Variants in AK9 observed in about 807,000 individuals in gnomAD.
AK9 encodes the protein adenylate kinase 9, also known as adenylate kinase domain containing 1.
A neutral mutation model predicts 239.6 loss-of-function variants in AK9; 191 were observed. The observed-to-expected ratio is 0.80, with a 90% confidence interval of 0.71 to 0.90. AK9 has a LOEUF of 0.90. AK9 is among the 40% of genes least tolerant of loss of function. AK9 has a pLI of 0.00. For synonymous variants in AK9, 689 were observed against 721.0 expected, an observed-to-expected ratio of 0.96 and a Z score of 0.71; for missense variants, 1,995 against 2,214.7, an observed-to-expected ratio of 0.90 and a Z score of 1.99.
chr6:109,503,374 G>A (rs1005231660), intron 35 of AK9, among the ~76,000 whole-genome samples: 1 of 152,054 alleles, frequency 6.6e-6, no homozygotes, highest in Non-Finnish European at 1.5e-5. Flanking sequence ...ACACCCAAAT[G>A]TCTCTTTTTC....
intron 7 of AK9, among the ~76,000 whole-genome samples, chr6:109,658,370 G>C (rs1799978287): frequency 6.6e-6 from 1 of 152,172 alleles, no homozygotes; most frequent in South Asian, 2.1e-4. Flanking sequence ...CTGCTGCATA[G>C]AGTTTTCATT....
At position 109,671,900 on chromosome 6, in the gene AK9, T is replaced by C. The variant is rs374555229; in HGVS notation, c.331+19A>G. ...TTAAGGCTGCTTTGTGGGCTGTAAA[T>C]ATATTAAAATAAACATACCAAAGTG... On this transcript the variant is annotated intron_variant, in intron 5 of 40. Transcript: ENST00000424296. 3 of 1,606,676 alleles carry C rather than the reference T, an allele frequency of 1.9e-6. No individual in the cohort carries two copies. The highest frequency in any genetic ancestry group is 2.2e-5 in the East Asian group (1 of 44,820).
intron 36 of AK9, 129 bp from the exon 37 acceptor site, chr6:109,498,094 A>AATAAC (rs1777254329): frequency 1.2e-6 from 1 of 810,646 alleles, no homozygotes; most frequent in Non-Finnish European, 1.9e-6. Context: ...TCAAACTGTA[A>AATAAC]ATAACCTCTC....
intron 17 of AK9, among the ~76,000 whole-genome samples, chr6:109,593,564 A>C (rs372342455): frequency 1.3e-5 from 2 of 152,178 alleles, no homozygotes; most frequent in African/African-American, 2.4e-5. Flanking sequence ...GTAACAACAA[A>C]AAAAAATTTC....
At chr6:109,604,695 G>C (rs1183811435) in intron 17 of AK9, among the ~76,000 whole-genome samples, 2 of 152,106 alleles carry the variant, frequency 1.3e-5, no homozygotes. Flanking sequence ...TCAATTATTG[G>C]TTCTTCCAGA....
At chr6:109,550,557 T>C in intron 24 of AK9, 1 of 289,370 alleles carries the variant, frequency 3.5e-6, no homozygotes, top group Non-Finnish European at 6.3e-6. Context: ...TCCAGTCCTC[T>C]ACCAACAGAG....
chr6:109,660,645 T>C (rs935263524), intron 6 of AK9, among the ~76,000 whole-genome samples: 1 of 152,192 alleles, frequency 6.6e-6, no homozygotes, highest in Admixed American at 6.5e-5. Context: ...ACCCACCTTC[T>C]AGGACCTTGA....
At chr6:109,674,313 G>T in intron 2 of AK9, 52 bp from the exon 3 acceptor site, 1 of 1,284,888 alleles carries the variant, frequency 7.8e-7, no homozygotes, top group South Asian at 1.6e-5. Context: ...ACTTGCCAGT[G>T]ACACAGATAC....
intron 27 of AK9, among the ~76,000 whole-genome samples, chr6:109,541,504 G>A (rs1435034121): frequency 2.0e-5 from 3 of 152,104 alleles, no homozygotes; most frequent in African/African-American, 4.8e-5. Context: ...TCTGTCTCCC[G>A]GGTTCAAGTG....
intron 8 of AK9, among the ~76,000 whole-genome samples, chr6:109,645,407 TGCTGCGCCTG>T (rs1797928461): frequency 6.6e-6 from 1 of 152,248 alleles, no homozygotes; most frequent in Non-Finnish European, 1.5e-5. Context: ...GGAGATTATA[TGCTGCGCCTG>T]GCTCAGAGCA....
At chr6:109,629,630 G>GAAA (rs142212078) in intron 12 of AK9, among the ~76,000 whole-genome samples, 2 of 146,858 alleles carry the variant, frequency 1.4e-5, no homozygotes, top group Middle Eastern at 3.5e-3. Context: ...AACAGTATTT[G>GAAA]AAAAATTTTT....
At chr6:109,583,633 T>C (rs902336255) in intron 19 of AK9, among the ~76,000 whole-genome samples, 8 of 152,024 alleles carry the variant, frequency 5.3e-5, no homozygotes, top group African/African-American at 1.9e-4. Flanking sequence ...GCAGGTGATA[T>C]TAAGGAGTTT....
chr6:109,682,080 C>G (rs1267712614), intron 1 of AK9, among the ~76,000 whole-genome samples: 1 of 152,054 alleles, frequency 6.6e-6, no homozygotes, highest in Admixed American at 6.6e-5. Flanking sequence ...CAAGAAATAA[C>G]TAAGATGAGA....
chr6:109,549,027 G>T (rs1783972611), intron 25 of AK9, among the ~76,000 whole-genome samples: 1 of 152,142 alleles, frequency 6.6e-6, no homozygotes. Context: ...AATAACATCT[G>T]CTTATGATGA....
At chr6:109,505,336 C>T (rs1238690731) in intron 35 of AK9, among the ~76,000 whole-genome samples, 1 of 152,180 alleles carries the variant, frequency 6.6e-6, no homozygotes, top group African/African-American at 2.4e-5. Context: ...TGTGAGACCC[C>T]TACAGATCAC....
chr6:109,541,521 C>T (rs979568914), intron 27 of AK9, among the ~76,000 whole-genome samples: 12 of 152,318 alleles, frequency 7.9e-5, no homozygotes, highest in Admixed American at 2.6e-4. Context: ...AGTGATTCTC[C>T]TGCCTAAGCC....
chr6:109,679,467 G>A (rs1772300742), intron 1 of AK9, among the ~76,000 whole-genome samples: 1 of 152,150 alleles, frequency 6.6e-6, no homozygotes, highest in African/African-American at 2.4e-5. Context: ...GGGGCTTATA[G>A]ATAAAATTCC....
At chr6:109,602,424 A>G (rs1176845810) in intron 17 of AK9, among the ~76,000 whole-genome samples, 3 of 152,110 alleles carry the variant, frequency 2.0e-5, no homozygotes, top group Non-Finnish European at 4.4e-5. Flanking sequence ...TGGCTTGTAG[A>G]GTTTCTGCCG....
chr6:109,669,345 T>C (rs1801735744), intron 5 of AK9, among the ~76,000 whole-genome samples: 1 of 152,046 alleles, frequency 6.6e-6, no homozygotes. Context: ...CAGGGACAAT[T>C]TGACTTCCTC....
Sources: gnomAD v4.1 joint callset for allele counts (sites outside exome capture counted in the v4.1 genomes callset) on GRCh38, gnomAD v4.1.1 for gene constraint, MANE v1.5 for transcripts, NCBI Gene and HGNC (gene_info 2026-07-23, HGNC 2026-07-21) for gene names.